The following MYO16 variants were observed in gnomAD, a reference collection of about 807,000 sequenced individuals.
The protein encoded by MYO16 is myosin XVI.
MYO16 carries 94 observed loss-of-function variants against 205.3 expected under a neutral mutation model. The ratio of observed to expected loss-of-function variants is 0.46; its 90% CI spans 0.39 to 0.54. The LOEUF is 0.54. Among genes scored for constraint, MYO16 ranks in the 20% least tolerant of loss-of-function variants. The probability of loss-of-function intolerance (pLI) is 0.00; values close to 1 mark genes in which losing one functional copy is unlikely to be tolerated. For synonymous variants in MYO16, 988 were observed against 954.0 expected (o/e 1.04, Z -0.66); for missense variants, 2,315 against 2,387.5 (o/e 0.97, Z 0.63).
intron 20 of MYO16, among the ~76,000 whole-genome samples, chr13:108,979,237 T>A (rs2139410357): frequency 6.6e-6 from 1 of 152,114 alleles, no homozygotes; most frequent in East Asian, 1.9e-4. Flanking sequence ...TTTGACTTTT[T>A]GGGTGATTTT....
At chr13:108,555,255 G>T in the MYO16 span, among the ~76,000 whole-genome samples, 1 of 152,290 alleles carries the variant, frequency 6.6e-6, no homozygotes, top group Non-Finnish European at 1.5e-5. Flanking sequence ...TATGTGAGAT[G>T]TGATAGATCC....
chr13:108,820,257 G>T, intron 7 of MYO16, 80 bp from the exon 8 acceptor site: 1 of 1,041,886 alleles, frequency 9.6e-7, no homozygotes, highest in South Asian at 1.4e-5. Flanking sequence ...CTGTTAGTTG[G>T]ACAGCACAGT....
rs116621747 is a variant in MYO16, at chr13:109,171,328, A to G, written c.5323+6269A>G. Among the ~76,000 whole-genome samples the G allele has an allele frequency of 1.3e-3, 198 of 152,374 alleles. 1 individual carries two copies. The highest frequency in any genetic ancestry group is 4.6e-3 in the African/African-American group (190 of 41,594). ...TTATTAGTACAGGTTCATAACTTAC[A>G]AAGTGCAGCCAATGCACTTTCTAAA... On this transcript the variant is annotated intron_variant, in intron 33 of 34. Coordinates refer to ENST00000457511, the MANE Select transcript of MYO16 (RefSeq NM_001198950.3).
chr13:108,581,445 G>T, the MYO16 span, among the ~76,000 whole-genome samples: 3 of 151,796 alleles, frequency 2.0e-5, no homozygotes, highest in South Asian at 2.1e-4. Flanking sequence ...AATAATTGAG[G>T]TATCTTTTTT....
chr13:109,127,932 T>A lies in MYO16; in HGVS notation c.4051+382T>A, dbSNP rs977650789. Among the ~76,000 whole-genome samples the A allele has an allele frequency of 6.6e-5, 10 of 151,612 alleles. No individual in the cohort carries two copies. Among genetic ancestry groups the A allele is most frequent in the Admixed American group, 1.3e-4 (2 of 15,248 alleles). On this transcript the variant is annotated intron_variant, in intron 31 of 34. Transcript: ENST00000457511. The surrounding 1 kb of genome is among the most constrained non-coding windows in gnomAD (Gnocchi z 4.2). ...CTAATAAAAAATTAAGACTGCTTCA[T>A]CATATGATAAGTGAAATTATTTACC...
At chr13:108,525,940 G>GTT in the MYO16 span, among the ~76,000 whole-genome samples, 1 of 32,958 alleles carries the variant, frequency 3.0e-5, no homozygotes, top group African/African-American at 1.0e-4. Context: ...TCCTAGGTCT[G>GTT]ATTTTTTTTT....
At chr13:108,588,681 G>C in the MYO16 span, among the ~76,000 whole-genome samples, 1 of 152,150 alleles carries the variant, frequency 6.6e-6, no homozygotes, top group East Asian at 1.9e-4. Context: ...TGTGTGATTA[G>C]TTATGGTGAA....
At chr13:108,630,372 C>T (rs1879924500) in intron 1 of MYO16, among the ~76,000 whole-genome samples, 1 of 152,156 alleles carries the variant, frequency 6.6e-6, no homozygotes. Context: ...TTGTATCATT[C>T]ACCTTGCGGT....
chr13:108,612,412 G>A (rs1879209378), intron 1 of MYO16, among the ~76,000 whole-genome samples: 1 of 152,168 alleles, frequency 6.6e-6, no homozygotes, highest in South Asian at 2.1e-4. Context: ...AGGATGCTTA[G>A]GTGGTAGACA....
intron 4 of MYO16, among the ~76,000 whole-genome samples, chr13:108,730,410 G>A (rs567687974): frequency 5.9e-5 from 9 of 152,160 alleles, no homozygotes; most frequent in South Asian, 2.1e-4. Context: ...TCATAGCAGC[G>A]TGAGAACAGG....
At chr13:108,561,410 T>A in the MYO16 span, among the ~76,000 whole-genome samples, 1 of 152,238 alleles carries the variant, frequency 6.6e-6, no homozygotes, top group African/African-American at 2.4e-5. Flanking sequence ...GACAATGCAT[T>A]TCTTCTTGGG....
intron 3 of MYO16, among the ~76,000 whole-genome samples, chr13:108,716,949 C>T (rs1483582251): frequency 2.6e-5 from 4 of 152,010 alleles, no homozygotes; most frequent in Non-Finnish European, 4.4e-5. Flanking sequence ...ATGTGTTAAA[C>T]ATATGGCAGG....
At position 108,629,766 on chromosome 13, in the gene MYO16, A is replaced by T; in HGVS notation, c.-79A>T. 7.5e-7 allele frequency: 1 copy of T among 1,341,120 alleles called. No homozygotes were observed. The highest frequency in any genetic ancestry group is 1.0e-6 in the Non-Finnish European group (1 of 974,504). The allele number at this position is 1,341,120 out of a possible 1,614,324, so 83.1% of individuals were successfully genotyped here. Reference sequence around the variant, plus strand: ...TGTTACCTGAGTAAGGGCTTTAAGTAATGCATTTCCTGGGAACGACAGTTG... The same window carrying T: ...TGTTACCTGAGTAAGGGCTTTAAGTTATGCATTTCCTGGGAACGACAGTTG... On this transcript the variant is annotated 5_prime_UTR_variant, in exon 1 of 35. An upstream open reading frame in the 5' UTR loses its in-frame stop. Transcript: ENST00000457511.
intron 28 of MYO16, among the ~76,000 whole-genome samples, 188 bp downstream of exon 28, chr13:109,101,075 C>A (rs1888951402): frequency 6.6e-6 from 1 of 152,092 alleles, no homozygotes; most frequent in Non-Finnish European, 1.5e-5. Context: ...TAACATCTTG[C>A]AGCCAACATG....
At chr13:108,701,282 A>AC (rs1413069591) in intron 2 of MYO16, among the ~76,000 whole-genome samples, 2 of 151,958 alleles carry the variant, frequency 1.3e-5, no homozygotes, top group East Asian at 1.9e-4. Flanking sequence ...AATGTTTGTC[A>AC]CCCCCCTGCA....
chr13:109,093,596 T>C (rs1888686841), intron 27 of MYO16, among the ~76,000 whole-genome samples: 1 of 152,134 alleles, frequency 6.6e-6, no homozygotes, highest in East Asian at 1.9e-4. Flanking sequence ...TCTACTACAC[T>C]GTGGGAAACG....
At chr13:108,937,495 A>G (rs983897840) in intron 16 of MYO16, among the ~76,000 whole-genome samples, 4 of 152,174 alleles carry the variant, frequency 2.6e-5, no homozygotes. Context: ...TTTCTTTCAG[A>G]AATGCCAGTA....
At chr13:108,787,641 AAAAAC>A (rs138724573) in intron 5 of MYO16, among the ~76,000 whole-genome samples, 48,958 of 151,712 alleles carry the variant, frequency 0.32, 8,140 homozygotes, top group African/African-American at 0.39. Flanking sequence ...AGGAGTATGC[AAAAAC>A]AAAACAAAAC....
intron 7 of MYO16, among the ~76,000 whole-genome samples, chr13:108,815,318 C>T (rs902369681): frequency 6.6e-6 from 1 of 152,140 alleles, no homozygotes; most frequent in Middle Eastern, 3.2e-3. Context: ...AAGAACTTTG[C>T]ATTGTAACTA....
Sources: gnomAD v4.1 joint callset for allele counts (sites outside exome capture counted in the v4.1 genomes callset) on GRCh38, gnomAD v4.1.1 for gene constraint, Gnocchi (gnomAD v3.1) non-coding constraint, MANE v1.5 for transcripts, NCBI Gene and HGNC (gene_info 2026-07-23, HGNC 2026-07-21) for gene names.